ROCK2: variants seen among roughly 807,000 people sequenced by gnomAD.
ROCK2 encodes Rho associated coiled-coil containing protein kinase 2.
Under a neutral mutation model 195.1 loss-of-function variants are expected in ROCK2, and 61 were observed. The observed-to-expected ratio is 0.31, with a 90% confidence interval of 0.25 to 0.39. The LOEUF (loss-of-function observed/expected upper bound fraction) is 0.39. ROCK2 is among the 10% of genes least tolerant of loss of function. ROCK2 has a pLI of 1.00. For missense variants in ROCK2, 1,109 were observed against 1,637.4 expected (o/e 0.68, Z 5.57); for synonymous variants, 504 against 545.5 (o/e 0.92, Z 1.06).
At chr2:11,261,739 C>T (rs988136366) in intron 3 of ROCK2, among the ~76,000 whole-genome samples, 1 of 152,154 alleles carries the variant, frequency 6.6e-6, no homozygotes, top group Non-Finnish European at 1.5e-5. Flanking sequence ...ATCGCTTCAA[C>T]CCAGGAACCC....
intron 4 of ROCK2, among the ~76,000 whole-genome samples, chr2:11,239,616 G>C (rs1306096511): frequency 6.6e-6 from 1 of 152,154 alleles, no homozygotes; most frequent in South Asian, 2.1e-4. Flanking sequence ...CCAAAAAGTG[G>C]AAGCAATTCA....
intron 1 of ROCK2, among the ~76,000 whole-genome samples, chr2:11,316,536 CTT>C (rs1668198558): frequency 1.3e-5 from 2 of 152,122 alleles, no homozygotes; most frequent in African/African-American, 2.4e-5. Flanking sequence ...TAAACAAAGA[CTT>C]AATTCTCAGT....
At chr2:11,219,386 C>CTGTA (rs1332265554) in intron 9 of ROCK2, among the ~76,000 whole-genome samples, 2 of 148,376 alleles carry the variant, frequency 1.3e-5, no homozygotes, top group Non-Finnish European at 3.0e-5. Flanking sequence ...TGGTGGACAC[C>CTGTA]TGTAGTACCA....
rs1192587957 is a variant in ROCK2, at chr2:11,317,627, T to TTTTTTTTTTTTTA, written c.141+26368_141+26369insTAAAAAAAAAAAA. On this transcript the variant is annotated intron_variant, in intron 1 of 32. Coordinates refer to ENST00000315872, the MANE Select transcript of ROCK2 (RefSeq NM_004850.5). ...ATATATATATATTTTTTTTTTTTTT[T>TTTTTTTTTTTTTA]AATTATACTTTAAGTTCTAGGGTAC... Among the ~76,000 whole-genome samples the TTTTTTTTTTTTTA allele has an allele frequency of 3.6e-3, 112 of 31,404 alleles. 10 individuals are homozygous for TTTTTTTTTTTTTA. Among genetic ancestry groups the TTTTTTTTTTTTTA allele is most frequent in the East Asian group, 4.9e-3 (3 of 612 alleles). 20.6% of individuals were successfully genotyped at this position (31,404 alleles called of 152,430 possible). A position where few individuals can be genotyped will look rare whatever the true frequency, so the allele number is the denominator to read the frequency against.
chr2:11,297,598 T>C (rs891673737), intron 1 of ROCK2, among the ~76,000 whole-genome samples: 21 of 152,186 alleles, frequency 1.4e-4, no homozygotes, highest in Admixed American at 1.1e-3. Flanking sequence ...CAGGGATTAA[T>C]AGGTTAATTT....
intron 4 of ROCK2, among the ~76,000 whole-genome samples, chr2:11,248,427 G>C (rs1358602638): frequency 3.9e-5 from 6 of 152,028 alleles, no homozygotes; most frequent in African/African-American, 1.2e-4. Context: ...GAAGGCAAAG[G>C]CCAGGTGCGG....
At chr2:11,273,742 T>C (rs1171538821) in intron 3 of ROCK2, among the ~76,000 whole-genome samples, 4 of 151,954 alleles carry the variant, frequency 2.6e-5, no homozygotes, top group Non-Finnish European at 2.9e-5. Flanking sequence ...ACAGACTAAG[T>C]CTCAAAAGAT....
At chr2:11,330,740 G>GGGAGGAGGGAGGAGGA (rs1668695016) in intron 1 of ROCK2, among the ~76,000 whole-genome samples, 70 of 43,258 alleles carry the variant, frequency 1.6e-3, no homozygotes, top group Non-Finnish European at 3.0e-3. Flanking sequence ...AAGATGAGGA[G>GGGAGGAGGGAGGAGGA]GGAGGAGGGA....
chr2:11,323,282 A>G (rs1347918572), intron 1 of ROCK2, among the ~76,000 whole-genome samples: 1 of 152,238 alleles, frequency 6.6e-6, no homozygotes, highest in African/African-American at 2.4e-5. Flanking sequence ...GCCACTTAGC[A>G]GCTGCATGAC....
At chr2:11,296,999 G>A (rs959515848) in intron 1 of ROCK2, among the ~76,000 whole-genome samples, 2 of 151,980 alleles carry the variant, frequency 1.3e-5, no homozygotes, top group African/African-American at 4.8e-5. Flanking sequence ...GTTAAAATCT[G>A]GGAAAGATTA....
intron 3 of ROCK2, among the ~76,000 whole-genome samples, chr2:11,264,712 A>C (rs1383695788): frequency 6.6e-6 from 1 of 152,202 alleles, no homozygotes; most frequent in African/African-American, 2.4e-5. Flanking sequence ...TTAAGAAGGC[A>C]AATAAACAAA....
At chr2:11,209,755 A>G (rs1664183493) in intron 18 of ROCK2, among the ~76,000 whole-genome samples, 1 of 152,204 alleles carries the variant, frequency 6.6e-6, no homozygotes, top group East Asian at 1.9e-4. Context: ...CTCAACATCT[A>G]ATTATCATCT....
rs201801097 is a variant in ROCK2 at position 11,192,296 on chromosome 2, T to G, written c.4015A>C (p.Lys1339Gln). 197 of 1,613,938 alleles carry G rather than the reference T, an allele frequency of 1.2e-4. No homozygotes were observed. The highest frequency in any genetic ancestry group is 1.5e-4 in the Non-Finnish European group (177 of 1,179,976). Residue 1339 changes from lysine to glutamine, a missense_variant, in exon 32 of 33, where the codon AAG (lysine) becomes CAG (glutamine). Transcript: ENST00000315872. This position sits in a 1 kb window ranked among gnomAD's most constrained non-coding sequence, Gnocchi z 5.0. Reference protein sequence around the residue: ...LLANSTEEQQKWVSRLVKKIP... With the variant: ...LLANSTEEQQQWVSRLVKKIP... Reference sequence around the variant, plus strand: ...TTTTTCACCAACCGACTAACCCACTTCTGCTGCTCTTCTGTAGAATTTGCT... The same window carrying G: ...TTTTTCACCAACCGACTAACCCACTGCTGCTGCTCTTCTGTAGAATTTGCT...
intron 1 of ROCK2, among the ~76,000 whole-genome samples, chr2:11,292,082 A>G (rs1460948530): frequency 1.3e-5 from 2 of 152,182 alleles, no homozygotes; most frequent in African/African-American, 4.8e-5. Flanking sequence ...TCTAAAGGCT[A>G]TTTGGATTAC....
chr2:11,344,750 C>T (rs989293703), upstream of ROCK2, among the ~76,000 whole-genome samples: 8 of 149,638 alleles, frequency 5.3e-5, no homozygotes, highest in African/African-American at 1.7e-4. This position sits in a 1 kb window ranked among gnomAD's most constrained non-coding sequence, Gnocchi z 5.4. Context: ...GCGCTTCCTC[C>T]CTTTCTTTCC....
rs1219745755 is a variant in ROCK2, at chr2:11,317,595, TATATATATATATATA to T, written c.141+26386_141+26400del. Among the ~76,000 whole-genome samples, 15 of 15,958 alleles carry T rather than the reference TATATATATATATATA, an allele frequency of 9.4e-4. No homozygotes were observed. The East Asian group carries it at 0.014, about 15-fold the overall frequency. The allele number at this position is 15,958 out of a possible 152,430, so 10.5% of individuals were successfully genotyped here. On this transcript the variant is annotated intron_variant, in intron 1 of 32. Coordinates refer to ENST00000315872, the MANE Select transcript of ROCK2 (RefSeq NM_004850.5). ...ACACATTTATATATATATATATATA[TATATATATATATATA>T]TATTTTTTTTTTTTTTTAATTATAC...
chr2:11,256,625 A>T (rs1034586458), intron 3 of ROCK2, among the ~76,000 whole-genome samples: 8 of 150,852 alleles, frequency 5.3e-5, no homozygotes, highest in Admixed American at 3.3e-4. Flanking sequence ...ATGAGTTCAA[A>T]TGAGTTGAAA....
At position 11,201,729 on chromosome 2, in the gene ROCK2, C is replaced by T. The variant is rs867221878; in HGVS notation, c.2620-316G>A. On this transcript the variant is annotated intron_variant, in intron 21 of 32. Coordinates refer to ENST00000315872, the MANE Select transcript of ROCK2 (RefSeq NM_004850.5). The surrounding 1 kb of genome is among the most constrained non-coding windows in gnomAD (Gnocchi z 4.6). Reference sequence around the variant, plus strand: ...AATTTAGACAAAAAAATGTTATTGGCTTAAATCAATAAAACAGGAGTTTCT... The same window carrying T: ...AATTTAGACAAAAAAATGTTATTGGTTTAAATCAATAAAACAGGAGTTTCT... 2.0e-5 allele frequency among the ~76,000 whole-genome samples: 3 copies of T among 152,056 alleles called. No individual in the cohort carries two copies. The highest frequency in any genetic ancestry group is 7.2e-5 in the African/African-American group (3 of 41,402).
At chr2:11,318,120 A>G (rs1668283580) in intron 1 of ROCK2, among the ~76,000 whole-genome samples, 2 of 152,216 alleles carry the variant, frequency 1.3e-5, no homozygotes, top group African/African-American at 4.8e-5. Flanking sequence ...TCCTTTGGGT[A>G]TATACCCACT....
Sources: allele counts gnomAD v4.1 joint callset (sites outside exome capture counted in the v4.1 genomes callset), GRCh38; gene constraint gnomAD v4.1.1; non-coding constraint Gnocchi (gnomAD v3.1); transcripts MANE v1.5; gene names NCBI Gene and HGNC (gene_info 2026-07-23, HGNC 2026-07-21).